The following DGLUCY variants were observed in gnomAD, a reference collection of about 807,000 sequenced individuals.
The protein encoded by DGLUCY is D-glutamate cyclase, mitochondrial.
Under a neutral mutation model 58.5 loss-of-function variants are expected in DGLUCY, and 58 were observed. The observed-to-expected ratio is 0.99, with a 90% CI of 0.80 to 1.23. DGLUCY has a LOEUF of 1.23. DGLUCY is among the 50% of genes most tolerant of loss of function. The probability of loss-of-function intolerance (pLI) is 0.00; values close to 1 mark genes in which losing one functional copy is unlikely to be tolerated. For synonymous variants in DGLUCY, 325 were observed against 314.1 expected (o/e 1.03, Z -0.37); for missense variants, 779 against 784.7 (o/e 0.99, Z 0.09).
intron 1 of DGLUCY, among the ~76,000 whole-genome samples, chr14:91,128,218 A>C (rs914872455): frequency 5.3e-5 from 8 of 151,542 alleles, no homozygotes; most frequent in Non-Finnish European, 1.2e-4. Context: ...CACACCTATA[A>C]TCCCAGCACT....
At chr14:91,106,980 G>T (rs78981937), upstream of DGLUCY, among the ~76,000 whole-genome samples, 70 of 152,246 alleles carry the variant, frequency 4.6e-4, no homozygotes, top group African/African-American at 1.7e-3. Context: ...GTTACAGTTT[G>T]CAATTGCTTA....
In DGLUCY at chr14:91,167,277, T is replaced by C. The variant is rs142153831; in HGVS notation, c.156T>C (p.Phe52=). The C allele has an allele frequency of 3.1e-4, 494 of 1,612,380 alleles. No individual in the cohort carries two copies. Among genetic ancestry groups the C allele is most frequent in the Admixed American group, 7.1e-4 (42 of 59,328 alleles). The change falls in exon 4 of 14, where the codon TTT becomes TTC. Residue 52 remains phenylalanine (F), a synonymous_variant. Coordinates refer to ENST00000256324, the MANE Select transcript of DGLUCY (RefSeq NM_001102368.3). ...VVLPRSLAPA[F]ERFCQVNTGP... is the part of the protein sequence containing the mutation. ...TGCCCAGGTCCCTTGCTCCAGCTTT[T>C]GAAAGATTCTGCCAGGTCAACACTG... is the stretch of plus-strand genomic sequence containing the variant.
intron 1 of DGLUCY, among the ~76,000 whole-genome samples, chr14:91,080,298 G>C: frequency 6.6e-6 from 1 of 152,000 alleles, no homozygotes; most frequent in East Asian, 1.9e-4. Flanking sequence ...ATTCTTGTGG[G>C]TATACACCTA....
chr14:91,123,669 C>T (rs1230157118), intron 1 of DGLUCY, among the ~76,000 whole-genome samples: 1 of 152,106 alleles, frequency 6.6e-6, no homozygotes, highest in South Asian at 2.1e-4. Flanking sequence ...TCACTGCAAC[C>T]TCAACCCCCT....
intron 1 of DGLUCY, among the ~76,000 whole-genome samples, chr14:91,142,070 T>C (rs761540283): frequency 4.6e-5 from 7 of 152,024 alleles, no homozygotes; most frequent in Non-Finnish European, 8.8e-5. Flanking sequence ...GGTCTTGAAC[T>C]CCTGACCTCA....
Position 91,137,552 on chromosome 14 carries a change from A to AT in DGLUCY, c.-81-20070dup, listed in dbSNP as rs55763052. Among the ~76,000 whole-genome samples the AT allele has an allele frequency of 1.4e-3, 192 of 139,808 alleles. 1 individual carries two copies. The highest frequency in any genetic ancestry group is 9.3e-3 in the East Asian group (44 of 4,746). 91.7% of individuals were successfully genotyped at this position (139,808 alleles called of 152,430 possible). On this transcript the variant is annotated intron_variant, in intron 1 of 13. Transcript: ENST00000256324. Reference sequence around the variant, plus strand: ...AGGCGTGCGCCACCACGCCTGGCTAATTTTTTTTTTTTTTTTTGTATTTTA... The same window carrying AT: ...AGGCGTGCGCCACCACGCCTGGCTAATTTTTTTTTTTTTTTTTTGTATTTTA...
At chr14:91,138,117 C>A (rs982948989) in intron 1 of DGLUCY, among the ~76,000 whole-genome samples, 5 of 152,164 alleles carry the variant, frequency 3.3e-5, no homozygotes, top group Admixed American at 2.0e-4. Flanking sequence ...TTTTGTTGAT[C>A]CAGATAAATG....
chr14:91,144,232 C>T lies in DGLUCY; in HGVS notation c.-81-13407C>T, dbSNP rs1299510670. 2.0e-5 allele frequency among the ~76,000 whole-genome samples: 3 copies of T among 152,124 alleles called. No homozygotes were observed. In the East Asian group the frequency reaches 5.8e-4, roughly 29 times the overall value. On this transcript the variant is annotated intron_variant, in intron 1 of 13. Coordinates refer to ENST00000256324, the MANE Select transcript of DGLUCY (RefSeq NM_001102368.3). Reference sequence around the variant, plus strand: ...TCTGGTTTCAGGAGATTCTACTGGCCGTTTGGTAACAAACATTTATCAGGT... The same window carrying T: ...TCTGGTTTCAGGAGATTCTACTGGCTGTTTGGTAACAAACATTTATCAGGT...
In DGLUCY at chr14:91,196,365, T is replaced by C; in HGVS notation, c.1196-10T>C. Reference sequence around the variant, plus strand: ...AGCTGATGTGTGCCCTGCTTGCCTTTATTTTCAAGGTGTTCTGAAGACGCA... The same window carrying C: ...AGCTGATGTGTGCCCTGCTTGCCTTCATTTTCAAGGTGTTCTGAAGACGCA... On this transcript the variant is annotated splice_polypyrimidine_tract_variant and intron_variant, in intron 9 of 13. Transcript: ENST00000256324. 8 of 1,613,534 alleles carry C rather than the reference T, an allele frequency of 5.0e-6. No individual in the cohort carries two copies. Among genetic ancestry groups the C allele is most frequent in the Non-Finnish European group, 6.8e-6 (8 of 1,179,492 alleles).
At chr14:91,138,907 G>C (rs1351229767) in intron 1 of DGLUCY, among the ~76,000 whole-genome samples, 2 of 152,084 alleles carry the variant, frequency 1.3e-5, no homozygotes, top group African/African-American at 4.8e-5. Context: ...TCAAAAGTCA[G>C]CTCCTGAGCA....
intron 1 of DGLUCY, among the ~76,000 whole-genome samples, chr14:91,130,368 TCAGCAAC>T (rs575812386): frequency 1.3e-5 from 2 of 150,438 alleles, no homozygotes; most frequent in African/African-American, 2.4e-5. Context: ...TGGCATGATC[TCAGCAAC>T]CAGCAACCTG....
intron 1 of DGLUCY, among the ~76,000 whole-genome samples, chr14:91,153,969 G>T (rs1229493569): frequency 6.6e-6 from 1 of 152,028 alleles, no homozygotes. Context: ...GCAGTGGTGC[G>T]ATCTCGACTC....
At chr14:91,141,909 G>A (rs1325854368) in intron 1 of DGLUCY, among the ~76,000 whole-genome samples, 2 of 148,416 alleles carry the variant, frequency 1.3e-5, no homozygotes, top group Non-Finnish European at 3.0e-5. Flanking sequence ...GCAGTGGCGT[G>A]ATCTCGGCCC....
At chr14:91,188,876 T>C in intron 8 of DGLUCY, 34 bp from the exon 9 acceptor site, 1 of 1,572,108 alleles carries the variant, frequency 6.4e-7, no homozygotes, top group Non-Finnish European at 8.6e-7. Context: ...TTTAAAAATA[T>C]AGTTACTTTT....
In DGLUCY at chr14:91,205,229, T is replaced by C. The variant is rs559931147; in HGVS notation, c.1564+404T>C. ...GTCAGGAAGGCTTTTCTGAAGAGAG[T>C]GATCTGTGCTTTTATCTGCATGAAC... On this transcript the variant is annotated intron_variant, in intron 12 of 13. Transcript: ENST00000256324. Among the ~76,000 whole-genome samples, 4 of 152,096 alleles carry C rather than the reference T, an allele frequency of 2.6e-5. No homozygotes were observed. In the East Asian group the frequency reaches 7.7e-4, roughly 29 times the overall value.
chr14:91,161,336 C>T (rs2047969580), intron 3 of DGLUCY, among the ~76,000 whole-genome samples: 1 of 152,244 alleles, frequency 6.6e-6, no homozygotes, highest in African/African-American at 2.4e-5. Flanking sequence ...TCCCAAAGTG[C>T]TGGAGTTACA....
chr14:91,084,076 A>G (rs1477715461), intron 1 of DGLUCY, among the ~76,000 whole-genome samples: 1 of 152,130 alleles, frequency 6.6e-6, no homozygotes, highest in Admixed American at 6.6e-5. Context: ...TCCGGCACAC[A>G]GTAGGGCTGG....
chr14:91,180,079 A>AG (rs773246743), intron 7 of DGLUCY, among the ~76,000 whole-genome samples: 6 of 150,810 alleles, frequency 4.0e-5, no homozygotes, highest in Non-Finnish European at 8.9e-5. Flanking sequence ...TAATAGAGAC[A>AG]GGGTTTCACT....
intron 1 of DGLUCY, among the ~76,000 whole-genome samples, chr14:91,152,878 T>C (rs1010064428): frequency 1.3e-5 from 2 of 152,232 alleles, no homozygotes; most frequent in East Asian, 1.9e-4. Context: ...GTCTTCTGTT[T>C]TTCGTGTGCA....
Sources: gnomAD v4.1 joint callset for allele counts (sites outside exome capture counted in the v4.1 genomes callset) on GRCh38, gnomAD v4.1.1 for gene constraint, MANE v1.5 for transcripts, NCBI Gene and HGNC (gene_info 2026-07-23, HGNC 2026-07-21) for gene names.